Variants in UBQLN4 observed in about 807,000 individuals in gnomAD.
UBQLN4 encodes ubiquilin-4.
Under a neutral mutation model 60.4 loss-of-function variants are expected in UBQLN4, and 11 were observed. The observed-to-expected ratio is 0.18, with a 90% confidence interval of 0.11 to 0.30. The LOEUF is 0.30. UBQLN4 is among the 10% of genes least tolerant of loss of function. UBQLN4 has a pLI of 1.00. For synonymous variants in UBQLN4, 258 were observed against 313.1 expected (o/e 0.82, Z 1.86); for missense variants, 417 against 795.5 (o/e 0.52, Z 5.72).
chr1:156,035,409 C>T lies in UBQLN4; in HGVS notation c.*1569G>A, dbSNP rs1242351347. 1.0e-6 allele frequency: 1 copy of T among 984,880 alleles called. No homozygotes were observed. Among genetic ancestry groups the T allele is most frequent in the African/African-American group, 1.8e-5 (1 of 57,082 alleles). 61.0% of individuals were successfully genotyped at this position (984,880 alleles called of 1,614,324 possible). On this transcript the variant is annotated 3_prime_UTR_variant, in exon 11 of 11. Coordinates refer to ENST00000368309, the MANE Select transcript of UBQLN4 (RefSeq NM_020131.5). The stretch of plus-strand genomic sequence containing the variant: ...TCTCTGGACTGCTTGGGACCCTTTC[C>T]CACTTGGAGCAAACTCTGTTCCTCT...
intron 2 of UBQLN4, 41 bp from the exon 3 acceptor site, chr1:156,051,368 A>G (rs1287412188): frequency 1.0e-5 from 16 of 1,541,784 alleles, no homozygotes; most frequent in Middle Eastern, 3.3e-4. Context: ...AGTGAGCACT[A>G]GAAGAGGGAA....
chr1:156,037,224 T>C, intron 10 of UBQLN4, 94 bp from the exon 11 acceptor site: 3 of 1,478,154 alleles, frequency 2.0e-6, no homozygotes, highest in East Asian at 2.3e-5. Flanking sequence ...TCTTCTCTAA[T>C]ATCCTCAGAG....
intron 1 of UBQLN4, among the ~76,000 whole-genome samples, chr1:156,052,368 C>A (rs955091968): frequency 6.6e-6 from 1 of 152,144 alleles, no homozygotes; most frequent in Non-Finnish European, 1.5e-5. Flanking sequence ...GCTCTGTAGC[C>A]CAGGCTGGAG....
At chr1:156,037,324 G>A (rs941730729) in intron 10 of UBQLN4, among the ~76,000 whole-genome samples, 194 bp from the exon 11 acceptor site, 1 of 152,172 alleles carries the variant, frequency 6.6e-6, no homozygotes, top group Non-Finnish European at 1.5e-5. Context: ...GGCCGGGTAC[G>A]GTGGCTCACG....
intron 3 of UBQLN4, 50 bp downstream of exon 3, chr1:156,051,060 C>A: frequency 6.3e-7 from 1 of 1,575,572 alleles, no homozygotes; most frequent in South Asian, 1.1e-5. Flanking sequence ...TTGGCTTTCC[C>A]CAACTCCCCA....
chr1:156,044,576 C>T (rs1204023408), intron 5 of UBQLN4, among the ~76,000 whole-genome samples: 2 of 152,134 alleles, frequency 1.3e-5, no homozygotes, highest in Non-Finnish European at 2.9e-5. Flanking sequence ...TGTTCCTGTA[C>T]CTCAAGGGGC....
downstream of UBQLN4, among the ~76,000 whole-genome samples, chr1:156,033,871 C>CAAAAAAAAAAAAAAA (rs1683337927): frequency 6.7e-6 from 1 of 148,668 alleles, no homozygotes; most frequent in Non-Finnish European, 1.5e-5. Flanking sequence ...AAAAAAAAAA[C>CAAAAAAAAAAAAAAA]AAAAACAAAA....
rs1448150188 is a variant in UBQLN4 at position 156,035,802 on chromosome 1, C to G, written c.*1176G>C. On this transcript the variant is annotated 3_prime_UTR_variant, in exon 11 of 11. Transcript: ENST00000368309. ...TAGCTCTCCCGGATATATATTCCTGCAATGGACTGACCTTTTTACCCACTT... is the reference window on the plus strand; with the variant it reads ...TAGCTCTCCCGGATATATATTCCTGGAATGGACTGACCTTTTTACCCACTT... The G allele has an allele frequency of 1.0e-5, 10 of 985,400 alleles. No individual in the cohort carries two copies. The South Asian group carries it at 1.4e-4, about 14-fold the overall frequency. 61.0% of individuals were successfully genotyped at this position (985,400 alleles called of 1,614,324 possible).
In UBQLN4 at chr1:156,041,645, G is replaced by A. The variant is rs1683570817; in HGVS notation, c.1493C>T (p.Thr498Ile). The change falls in exon 10 of 11, where the codon ACC becomes ATC. Residue 498 changes from threonine to isoleucine, a missense_variant. By Grantham distance (89) the Thr-to-Ile change is moderately conservative. Transcript: ENST00000368309. ...GTTGCTGCCTGCTGAGGGTGCTGGG[G>A]TCCGGGATATCCCAAAGGAGCCAAG... is the stretch of plus-strand genomic sequence containing the variant. The part of the protein sequence containing the change: ...PSLGSFGISR[T>I]PAPSAGSNAG... 6.3e-7 allele frequency: 1 copy of A among 1,583,992 alleles called. No homozygotes were observed. Among genetic ancestry groups the A allele is most frequent in the Admixed American group, 1.9e-5 (1 of 53,832 alleles).
downstream of UBQLN4, among the ~76,000 whole-genome samples, chr1:156,032,372 G>T (rs1037768955): frequency 6.6e-6 from 1 of 150,628 alleles, no homozygotes; most frequent in African/African-American, 2.4e-5. Context: ...TTGGCCGGGC[G>T]CGATGGCTCA....
chr1:156,042,720 C>T (rs34224286), intron 7 of UBQLN4, 54 bp downstream of exon 7: 143,147 of 1,593,028 alleles, frequency 0.09, 7,334 homozygotes, highest in Middle Eastern at 0.18. Flanking sequence ...GAAACTGCCC[C>T]CAACCAAGAG....
downstream of UBQLN4, among the ~76,000 whole-genome samples, chr1:156,034,119 A>G (rs1683341736): frequency 6.6e-6 from 1 of 151,318 alleles, no homozygotes; most frequent in Admixed American, 6.7e-5. Context: ...TGGCTTATTC[A>G]TGTTCCACAG....
chr1:156,048,447 T>G lies in UBQLN4; in HGVS notation c.900+54A>C. On this transcript the variant is annotated intron_variant, in intron 5 of 10. Coordinates refer to ENST00000368309, the MANE Select transcript of UBQLN4 (RefSeq NM_020131.5). This position sits in a 1 kb window ranked among gnomAD's most constrained non-coding sequence, Gnocchi z 4.9. ...GGCCCAGGTTTGCCTGGGGTGGGGG[T>G]AGGGAATCTCGAGCCCAGACAGCCC... is the stretch of plus-strand genomic sequence containing the variant. 1 of 1,549,486 alleles carries G rather than the reference T, an allele frequency of 6.5e-7. No individual in the cohort carries two copies. The highest frequency in any genetic ancestry group is 8.8e-7 in the Non-Finnish European group (1 of 1,138,566).
chr1:156,037,014 T>C lies in UBQLN4; in HGVS notation c.1770A>G (p.Ala590=), dbSNP rs757015807. Reference sequence around the variant, plus strand: ...GGGAGCCCAGCAGTCTCTCGATAGCTGCGTTGATGTCCCCTCCTGTGGCAA... The same window carrying C: ...GGGAGCCCAGCAGTCTCTCGATAGCCGCGTTGATGTCCCCTCCTGTGGCAA... ...ALIATGGDIN[A]AIERLLGSQL... Residue 590 remains alanine (A), a synonymous_variant, in exon 11 of 11, where the codon GCA becomes GCG. Coordinates refer to ENST00000368309, the MANE Select transcript of UBQLN4 (RefSeq NM_020131.5). 2 of 1,614,178 alleles carry C rather than the reference T, an allele frequency of 1.2e-6. No homozygotes were observed. The highest frequency in any genetic ancestry group is 2.2e-5 in the South Asian group (2 of 91,086).
At chr1:156,040,727 C>G (rs544018181) in intron 10 of UBQLN4, among the ~76,000 whole-genome samples, 1 of 152,170 alleles carries the variant, frequency 6.6e-6, no homozygotes, top group African/African-American at 2.4e-5. Context: ...GCTGGGATTA[C>G]AGGCGTGAGC....
chr1:156,052,899 C>A (rs1398707897), intron 1 of UBQLN4, among the ~76,000 whole-genome samples: 1 of 152,168 alleles, frequency 6.6e-6, no homozygotes, highest in Non-Finnish European at 1.5e-5. Context: ...AAACAAAACA[C>A]AACACACACT....
intron 10 of UBQLN4, among the ~76,000 whole-genome samples, chr1:156,039,262 T>A (rs1683483973): frequency 6.7e-6 from 1 of 148,672 alleles, no homozygotes; most frequent in Admixed American, 6.7e-5. Flanking sequence ...TTTTTTTTTT[T>A]TTTTTGAGAT....
downstream of UBQLN4, among the ~76,000 whole-genome samples, chr1:156,034,152 G>A (rs1683342403): frequency 6.6e-6 from 1 of 151,630 alleles, no homozygotes; most frequent in African/African-American, 2.4e-5. Flanking sequence ...TAACTTCAAT[G>A]TACAAAAGAT....
At chr1:156,045,172 C>T (rs1572275511) in intron 5 of UBQLN4, among the ~76,000 whole-genome samples, 1 of 152,182 alleles carries the variant, frequency 6.6e-6, no homozygotes, top group African/African-American at 2.4e-5. Context: ...AGCCCCTCCC[C>T]ACCGTAGGGT....
Sources: gnomAD v4.1 joint callset for allele counts (sites outside exome capture counted in the v4.1 genomes callset) on GRCh38, gnomAD v4.1.1 for gene constraint, Gnocchi (gnomAD v3.1) non-coding constraint, MANE v1.5 for transcripts, NCBI Gene and HGNC (gene_info 2026-07-23, HGNC 2026-07-21) for gene names.